The following FARS2 variants were observed in gnomAD, a reference collection of about 807,000 sequenced individuals.
FARS2 encodes phenylalanyl-tRNA synthetase 2, mitochondrial.
FARS2 carries 40 observed loss-of-function variants against 46.4 expected under a neutral mutation model. That is an observed-to-expected ratio of 0.86 (90% CI 0.67 to 1.12). The LOEUF (loss-of-function observed/expected upper bound fraction) is 1.12, where lower values mean the gene tolerates loss of function less well. Ranked by LOEUF, FARS2 falls within the 50% of genes most tolerant of loss-of-function variation. FARS2 has a pLI of 0.00. For synonymous variants in FARS2, 234 were observed against 214.9 expected (o/e 1.09, Z -0.78); for missense variants, 513 against 567.9 (o/e 0.90, Z 0.98).
chr6:5,366,027 G>C (rs1436528617), intron 1 of FARS2, among the ~76,000 whole-genome samples: 1 of 152,068 alleles, frequency 6.6e-6, no homozygotes, highest in East Asian at 1.9e-4. Context: ...AGGCGGAAGG[G>C]GAGGCAGGAA....
rs1211635499 is a variant in FARS2, at chr6:5,630,365, A to G, written c.1217+17045A>G. On this transcript the variant is annotated intron_variant, in intron 6 of 6. Coordinates refer to ENST00000274680, the MANE Select transcript of FARS2 (RefSeq NM_006567.5). This position sits in a 1 kb window ranked among gnomAD's most constrained non-coding sequence, Gnocchi z 4.2. ...ATTTGACAATGAGTAGTCTTCTAGT[A>G]GTCAGTTCAATGGTAGAAAAATACT... is the stretch of plus-strand genomic sequence containing the variant. Among the ~76,000 whole-genome samples, 1 of 152,234 alleles carries G rather than the reference A, an allele frequency of 6.6e-6. No homozygotes were observed. Among genetic ancestry groups the G allele is most frequent in the Non-Finnish European group, 1.5e-5 (1 of 68,042 alleles).
intron 5 of FARS2, among the ~76,000 whole-genome samples, chr6:5,579,489 G>GTC (rs1773201317): frequency 6.6e-6 from 1 of 152,142 alleles, no homozygotes; most frequent in African/African-American, 2.4e-5. Context: ...GGCCAGGCTG[G>GTC]TCTCGAACTC....
At chr6:5,321,464 A>T (rs1464096116) in intron 1 of FARS2, among the ~76,000 whole-genome samples, 1 of 151,922 alleles carries the variant, frequency 6.6e-6, no homozygotes, top group Non-Finnish European at 1.5e-5. Flanking sequence ...GTTGGGGGAA[A>T]CCTGCCTGTG....
chr6:5,724,345 A>G (rs778204801), intron 6 of FARS2, among the ~76,000 whole-genome samples: 1 of 152,220 alleles, frequency 6.6e-6, no homozygotes, highest in Non-Finnish European at 1.5e-5. Flanking sequence ...ACAGGAAATG[A>G]CAGGGGACTC....
At chr6:5,272,076 T>G (rs764481537) in intron 1 of FARS2, among the ~76,000 whole-genome samples, 4 of 152,162 alleles carry the variant, frequency 2.6e-5, no homozygotes, top group Non-Finnish European at 5.9e-5. Flanking sequence ...AGTTTTGTGT[T>G]GAAACCTGCC....
chr6:5,646,998 C>A (rs929602811), intron 6 of FARS2, among the ~76,000 whole-genome samples: 1 of 152,160 alleles, frequency 6.6e-6, no homozygotes, highest in African/African-American at 2.4e-5. Context: ...TCCATGTCCC[C>A]TTTGCTTATT....
rs116830056 is a variant in FARS2, at chr6:5,683,459, C to T, written c.1217+70139C>T. ...CTAAGTTAGTCTGGGAGCTGCTCCT[C>T]ACTCCCAGAATTCCCTGGCTGTCTC... On this transcript the variant is annotated intron_variant, in intron 6 of 6. Coordinates refer to ENST00000274680, the MANE Select transcript of FARS2 (RefSeq NM_006567.5). Among the ~76,000 whole-genome samples the T allele has an allele frequency of 9.5e-3, 1,442 of 152,214 alleles. 9 individuals are homozygous for T. Among genetic ancestry groups the T allele is most frequent in the Non-Finnish European group, 0.013 (917 of 68,006 alleles).
chr6:5,354,502 A>G (rs1757787014), intron 1 of FARS2, among the ~76,000 whole-genome samples: 2 of 150,764 alleles, frequency 1.3e-5, no homozygotes, highest in African/African-American at 4.9e-5. Flanking sequence ...GTGGATTTCT[A>G]TGCTAGTGGT....
chr6:5,607,301 G>A (rs989424657), intron 5 of FARS2, among the ~76,000 whole-genome samples: 21 of 105,094 alleles, frequency 2.0e-4, no homozygotes, highest in African/African-American at 7.2e-4. Context: ...GTGTGTGTGT[G>A]TGTGTGTGTG....
rs898406831 is a variant in FARS2 at position 5,745,909 on chromosome 6, G to A, written c.1218-25382G>A. On this transcript the variant is annotated intron_variant, in intron 6 of 6. Transcript: ENST00000274680. The stretch of plus-strand genomic sequence containing the variant: ...CTGTGACCCTGTGTGGTACAGAGTC[G>A]GAGGAGAACCCTGGGGAGACCTCGT... Among the ~76,000 whole-genome samples, 6 of 152,078 alleles carry A rather than the reference G, an allele frequency of 3.9e-5. No homozygotes were observed. The East Asian group carries it at 5.8e-4, about 15-fold the overall frequency.
intron 1 of FARS2, among the ~76,000 whole-genome samples, chr6:5,314,035 T>TA (rs1157775765): frequency 1.4e-4 from 22 of 152,140 alleles, no homozygotes; most frequent in African/African-American, 5.1e-4. Context: ...TTAAGGGTCT[T>TA]ACGAATTATA....
chr6:5,715,204 C>A (rs901910095), intron 6 of FARS2, among the ~76,000 whole-genome samples: 1 of 152,122 alleles, frequency 6.6e-6, no homozygotes, highest in Non-Finnish European at 1.5e-5. Flanking sequence ...CAGGGTCACA[C>A]AGCTCATAAT....
At chr6:5,379,724 G>T (rs62386903) in intron 2 of FARS2, among the ~76,000 whole-genome samples, 23,689 of 152,136 alleles carry the variant, frequency 0.16, 2,056 homozygotes, top group East Asian at 0.39. Flanking sequence ...ATCAAATGGG[G>T]TACCGAGGAG....
intron 1 of FARS2, among the ~76,000 whole-genome samples, chr6:5,366,608 G>C (rs1037736400): frequency 4.6e-5 from 7 of 152,134 alleles, no homozygotes; most frequent in Non-Finnish European, 4.4e-5. Context: ...AGGAGAGCAA[G>C]GAAGGGACAC....
intron 4 of FARS2, among the ~76,000 whole-genome samples, chr6:5,487,768 C>T (rs1271530243): frequency 6.6e-6 from 1 of 152,160 alleles, no homozygotes; most frequent in Non-Finnish European, 1.5e-5. Context: ...CCAGACTGCT[C>T]CAAAGACCTT....
chr6:5,654,713 T>C lies in FARS2; in HGVS notation c.1217+41393T>C, dbSNP rs562810692. On this transcript the variant is annotated intron_variant, in intron 6 of 6. Coordinates refer to ENST00000274680, the MANE Select transcript of FARS2 (RefSeq NM_006567.5). ...CGGTGGGAGGTTTCAGTATCTATCC[T>C]GTCAGGAAGTGGTTCTCTTTTAATT... 3.9e-5 allele frequency among the ~76,000 whole-genome samples: 6 copies of C among 152,244 alleles called. No individual in the cohort carries two copies. The South Asian group carries it at 6.2e-4, about 16-fold the overall frequency.
At chr6:5,366,799 T>A (rs1008344160) in intron 1 of FARS2, among the ~76,000 whole-genome samples, 1 of 152,188 alleles carries the variant, frequency 6.6e-6, no homozygotes, top group African/African-American at 2.4e-5. Context: ...AAAGCTTTTC[T>A]TGTGTTTTGG....
rs556807423 is a variant in FARS2 at position 5,541,542 on chromosome 6, A to C, written c.905-3638A>C. On this transcript the variant is annotated intron_variant, in intron 4 of 6. Transcript: ENST00000274680. ...TGAGAATTGAATTCATATTGTAGATAATCTTTAGTGACTAATCTCTTTTTG... is the reference window on the plus strand; with the variant it reads ...TGAGAATTGAATTCATATTGTAGATCATCTTTAGTGACTAATCTCTTTTTG... Among the ~76,000 whole-genome samples the C allele has an allele frequency of 6.6e-5, 10 of 152,214 alleles. 1 individual carries two copies. Among genetic ancestry groups the C allele is most frequent in the Admixed American group, 6.5e-4 (10 of 15,278 alleles).
intron 6 of FARS2, among the ~76,000 whole-genome samples, chr6:5,658,451 A>G (rs1410658790): frequency 6.6e-6 from 1 of 152,170 alleles, no homozygotes; most frequent in Non-Finnish European, 1.5e-5. Context: ...CAAGGGGGTG[A>G]CCACTGAGCT....
Sources: gnomAD v4.1 joint callset for allele counts (sites outside exome capture counted in the v4.1 genomes callset) on GRCh38, gnomAD v4.1.1 for gene constraint, Gnocchi (gnomAD v3.1) non-coding constraint, MANE v1.5 for transcripts, NCBI Gene and HGNC (gene_info 2026-07-23, HGNC 2026-07-21) for gene names.